The following FLRT2 variants were observed in gnomAD, a reference collection of about 807,000 sequenced individuals.
FLRT2 encodes leucine-rich repeat transmembrane protein FLRT2.
In FLRT2, 15 loss-of-function variants were observed where a neutral mutation model predicts 40.0. That is an observed-to-expected ratio of 0.38 (90% CI 0.25 to 0.58). The LOEUF (loss-of-function observed/expected upper bound fraction) is 0.58, where lower values mean the gene tolerates loss of function less well. Ranked by LOEUF, FLRT2 falls within the 20% of genes least tolerant of loss-of-function variation. The pLI is 0.71. For missense variants in FLRT2, 726 were observed against 840.0 expected, an observed-to-expected ratio of 0.86 and a Z score of 1.68; for synonymous variants, 380 against 336.8, an observed-to-expected ratio of 1.13 and a Z score of -1.41.
chr14:85,620,553 A>G (rs1223847823), intron 1 of FLRT2, among the ~76,000 whole-genome samples: 1 of 152,206 alleles, frequency 6.6e-6, no homozygotes, highest in Non-Finnish European at 1.5e-5. Context: ...CAGCTTTTTT[A>G]TAACATAGTA....
chr14:85,629,790 G>T lies in FLRT2; in HGVS notation c.*6293G>T, dbSNP rs1301760691. The T allele has an allele frequency of 6.6e-6, 1 of 152,054 alleles. No homozygotes were observed. Among genetic ancestry groups the T allele is most frequent in the African/African-American group, 2.4e-5 (1 of 41,400 alleles). The allele number at this position is 152,054 out of a possible 1,614,324, so 9.4% of individuals were successfully genotyped here. A position where few individuals can be genotyped will look rare whatever the true frequency, so the allele number is the denominator to read the frequency against. On this transcript the variant is annotated 3_prime_UTR_variant, in exon 2 of 2. Transcript: ENST00000330753. ...GTGGATACATATATTATCATTTATG[G>T]CAAATAAAGGGAACATTTTAGAAGC... is the stretch of plus-strand genomic sequence containing the variant.
At chr14:85,611,569 G>A (rs1230831560) in intron 1 of FLRT2, among the ~76,000 whole-genome samples, 1 of 152,132 alleles carries the variant, frequency 6.6e-6, no homozygotes, top group Non-Finnish European at 1.5e-5. Context: ...TGTTGTCTCA[G>A]ACAGCTGACC....
intron 1 of FLRT2, among the ~76,000 whole-genome samples, chr14:85,608,480 C>T (rs755787197): frequency 6.6e-5 from 10 of 152,042 alleles, no homozygotes; most frequent in Non-Finnish European, 1.2e-4. Flanking sequence ...GTGATCCACC[C>T]GCCTCGGCTT....
rs546216384 is a variant in FLRT2 at position 85,645,896 on chromosome 14, A to G, written c.*22399A>G. The G allele has an allele frequency of 1.3e-5, 2 of 152,298 alleles. No individual in the cohort carries two copies. Among genetic ancestry groups the G allele is most frequent in the Admixed American group, 6.5e-5 (1 of 15,290 alleles). 9.4% of individuals were successfully genotyped at this position (152,298 alleles called of 1,614,324 possible). On this transcript the variant is annotated 3_prime_UTR_variant, in exon 2 of 2. Coordinates refer to ENST00000330753, the MANE Select transcript of FLRT2 (RefSeq NM_013231.6). Reference sequence around the variant, plus strand: ...CCCAATTCTGATACTCTCATATTGCACTATTCACTAGGAGGTTCAGCAATC... The same window carrying G: ...CCCAATTCTGATACTCTCATATTGCGCTATTCACTAGGAGGTTCAGCAATC...
At chr14:85,608,879 G>C (rs1021264694) in intron 1 of FLRT2, among the ~76,000 whole-genome samples, 1 of 152,152 alleles carries the variant, frequency 6.6e-6, no homozygotes, top group African/African-American at 2.4e-5. Flanking sequence ...TTGTTCAAAA[G>C]CTACAAATCT....
Position 85,622,293 on chromosome 14 carries a change from A to G in FLRT2, c.779A>G (p.Gln260Arg), listed in dbSNP as rs1595097068. The G allele has an allele frequency of 6.2e-7, 1 of 1,614,138 alleles. No homozygotes were observed. The highest frequency in any genetic ancestry group is 8.5e-7 in the Non-Finnish European group (1 of 1,180,012). Residue 260 changes from glutamine (Q) to arginine (R), a missense_variant, in exon 2 of 2, where the codon CAG becomes CGG. Physicochemically the swap from Gln to Arg is conservative, Grantham distance 43. This residue lies in a region of FLRT2 where 611 missense variants were observed against 690.0 expected (regional missense o/e 0.89). Coordinates refer to ENST00000330753, the MANE Select transcript of FLRT2 (RefSeq NM_013231.6). The stretch of plus-strand genomic sequence containing the variant: ...ACGCATCTGATCAGGCTCTATTTGC[A>G]GGACAACCAGATAAACCACATTCCT... Reference protein sequence around the residue: ...PGTHLIRLYLQDNQINHIPLT... With the variant: ...PGTHLIRLYLRDNQINHIPLT...
At chr14:85,548,898 G>A (rs949528662) in intron 1 of FLRT2, among the ~76,000 whole-genome samples, 1 of 152,086 alleles carries the variant, frequency 6.6e-6, no homozygotes, top group East Asian at 1.9e-4. Context: ...AAAACCACAG[G>A]CCCCACCAGC....
chr14:85,588,990 A>C (rs1356027952), intron 1 of FLRT2, among the ~76,000 whole-genome samples: 2 of 152,002 alleles, frequency 1.3e-5, no homozygotes, highest in African/African-American at 2.4e-5. Flanking sequence ...CATTTTCTTT[A>C]TTCATTCATC....
intron 1 of FLRT2, among the ~76,000 whole-genome samples, chr14:85,580,712 A>G (rs1891347414): frequency 6.7e-6 from 1 of 149,430 alleles, no homozygotes; most frequent in Non-Finnish European, 1.5e-5. Flanking sequence ...AAGCCAGGTC[A>G]TGTGGGCTGG....
rs188225661 is a variant in FLRT2 at position 85,536,598 on chromosome 14, C to A, written c.-377+6064C>A. ...TCTGCTACAGTGATTCAAATTCAGTCCATTAGTGACCTCTATCTGTGAGAA... is the reference window on the plus strand; with the variant it reads ...TCTGCTACAGTGATTCAAATTCAGTACATTAGTGACCTCTATCTGTGAGAA... On this transcript the variant is annotated intron_variant, in intron 1 of 1. Coordinates refer to ENST00000330753, the MANE Select transcript of FLRT2 (RefSeq NM_013231.6). Among the ~76,000 whole-genome samples the A allele has an allele frequency of 6.0e-4, 90 of 150,832 alleles. 3 individuals are homozygous for A. The South Asian group carries it at 0.012, about 20-fold the overall frequency.
At chr14:85,597,621 A>G (rs1248618103) in intron 1 of FLRT2, among the ~76,000 whole-genome samples, 1 of 152,180 alleles carries the variant, frequency 6.6e-6, no homozygotes, top group Non-Finnish European at 1.5e-5. Context: ...CAATGGCACG[A>G]TCTCGACTCA....
At chr14:85,616,749 CATAGAACCCTA>C (rs1374918718) in intron 1 of FLRT2, among the ~76,000 whole-genome samples, 1 of 152,152 alleles carries the variant, frequency 6.6e-6, no homozygotes, top group Admixed American at 6.5e-5. Context: ...GAACTCTTTA[CATAGAACCCTA>C]ATTCCCTGCC....
chr14:85,597,072 T>G (rs1417208541), intron 1 of FLRT2, among the ~76,000 whole-genome samples: 1 of 152,190 alleles, frequency 6.6e-6, no homozygotes, highest in Non-Finnish European at 1.5e-5. Flanking sequence ...TGGATCAAAT[T>G]AAATATGACA....
rs996801572 is a variant in FLRT2 at position 85,633,297 on chromosome 14, C to T, written c.*9800C>T. ...TGGGATAACACACAACCATGGCAGGCCTTTTTTCTCATGGTGTGTGGGATC... is the reference window on the plus strand; with the variant it reads ...TGGGATAACACACAACCATGGCAGGTCTTTTTTCTCATGGTGTGTGGGATC... On this transcript the variant is annotated 3_prime_UTR_variant, in exon 2 of 2. Transcript: ENST00000330753. 6.6e-6 allele frequency: 1 copy of T among 152,006 alleles called. No individual in the cohort carries two copies. Among genetic ancestry groups the T allele is most frequent in the Non-Finnish European group, 1.5e-5 (1 of 67,998 alleles). 9.4% of individuals were successfully genotyped at this position (152,006 alleles called of 1,614,324 possible). A position where few individuals can be genotyped will look rare whatever the true frequency, so the allele number is the denominator to read the frequency against.
At chr14:85,608,334 ATTC>A (rs1358773057) in intron 1 of FLRT2, among the ~76,000 whole-genome samples, 1 of 151,920 alleles carries the variant, frequency 6.6e-6, no homozygotes, top group African/African-American at 2.4e-5. Flanking sequence ...GGTTCAAGCA[ATTC>A]TTCTGCCTCA....
At position 85,625,425 on chromosome 14, in the gene FLRT2, A is replaced by G. The variant is rs182572333; in HGVS notation, c.*1928A>G. The G allele has an allele frequency of 3.0e-5, 5 of 167,074 alleles. No homozygotes were observed. Among genetic ancestry groups the G allele is most frequent in the Non-Finnish European group, 1.5e-5 (1 of 68,114 alleles). The allele number at this position is 167,074 out of a possible 1,614,324, so 10.3% of individuals were successfully genotyped here. ...TTATTTTCTTTAATAATATAGCCCA[A>G]CTTATATGTTTTAATCTCCCTTGTC... On this transcript the variant is annotated 3_prime_UTR_variant, in exon 2 of 2. Transcript: ENST00000330753.
intron 1 of FLRT2, among the ~76,000 whole-genome samples, chr14:85,591,357 A>G (rs1236712222): frequency 6.6e-6 from 1 of 152,166 alleles, no homozygotes; most frequent in Non-Finnish European, 1.5e-5. Flanking sequence ...GGTAAATACA[A>G]AACCACTGTA....
intron 1 of FLRT2, among the ~76,000 whole-genome samples, chr14:85,547,622 G>A (rs768251926): frequency 6.6e-5 from 10 of 152,202 alleles, no homozygotes; most frequent in South Asian, 2.1e-4. Flanking sequence ...TTGCTCGGCC[G>A]CTTTGTCTTT....
At position 85,633,235 on chromosome 14, in the gene FLRT2, C is replaced by G. The variant is rs1893925709; in HGVS notation, c.*9738C>G. 6.6e-6 allele frequency: 1 copy of G among 152,058 alleles called. No homozygotes were observed. The highest frequency in any genetic ancestry group is 2.4e-5 in the African/African-American group (1 of 41,430). The allele number at this position is 152,058 out of a possible 1,614,324, so 9.4% of individuals were successfully genotyped here. A position where few individuals can be genotyped will look rare whatever the true frequency, so the allele number is the denominator to read the frequency against. On this transcript the variant is annotated 3_prime_UTR_variant, in exon 2 of 2. Transcript: ENST00000330753. ...AGAAAGGTTTTCATTATTCTGTATTCTTTCTGGGGGAAAAAAATTGGGAAG... is the reference window on the plus strand; with the variant it reads ...AGAAAGGTTTTCATTATTCTGTATTGTTTCTGGGGGAAAAAAATTGGGAAG...
Sources: gnomAD v4.1 joint callset for allele counts (sites outside exome capture counted in the v4.1 genomes callset) on GRCh38, gnomAD v4.1.1 for gene constraint, gnomAD v4.1.1 regional missense constraint, MANE v1.5 for transcripts, NCBI Gene and HGNC (gene_info 2026-07-23, HGNC 2026-07-21) for gene names.